The following STAG1 variants were observed in gnomAD, a reference collection of about 807,000 sequenced individuals.
STAG1 encodes the protein cohesin subunit SA-1.
Under a neutral mutation model 170.9 loss-of-function variants are expected in STAG1, and 26 were observed. The ratio of observed to expected loss-of-function variants is 0.15; its 90% confidence interval spans 0.11 to 0.21. The LOEUF is 0.21. Ranked by LOEUF, STAG1 falls within the 10% of genes least tolerant of loss-of-function variation. The pLI, the probability that STAG1 is intolerant of heterozygous loss-of-function variation, is 1.00. For missense variants in STAG1, 964 were observed against 1,509.5 expected, an observed-to-expected ratio of 0.64 and a Z score of 5.99; for synonymous variants, 514 against 497.7, an observed-to-expected ratio of 1.03 and a Z score of -0.44.
intron 5 of STAG1, among the ~76,000 whole-genome samples, chr3:136,547,731 C>T (rs960566616): frequency 4.6e-5 from 7 of 152,200 alleles, no homozygotes; most frequent in African/African-American, 1.7e-4. Flanking sequence ...TTTATTTATC[C>T]ATTCATCCAT....
chr3:136,398,394 A>C (rs1422054785), intron 22 of STAG1, among the ~76,000 whole-genome samples: 2 of 152,164 alleles, frequency 1.3e-5, no homozygotes, highest in African/African-American at 4.8e-5. Flanking sequence ...CTGGGATTAT[A>C]GGCGTAAGCC....
At chr3:136,463,234 T>G (rs949660966) in intron 13 of STAG1, among the ~76,000 whole-genome samples, 1 of 151,948 alleles carries the variant, frequency 6.6e-6, no homozygotes, top group African/African-American at 2.4e-5. Context: ...GCCCAGTAAG[T>G]AGCTGGTTTC....
intron 22 of STAG1, among the ~76,000 whole-genome samples, chr3:136,378,297 A>T (rs1285184562): frequency 6.6e-6 from 1 of 152,214 alleles, no homozygotes; most frequent in Non-Finnish European, 1.5e-5. Flanking sequence ...AAAGTTGGAG[A>T]AATCTTCATA....
chr3:136,610,609 G>A (rs907359216), intron 3 of STAG1, among the ~76,000 whole-genome samples: 1 of 152,084 alleles, frequency 6.6e-6, no homozygotes, highest in South Asian at 2.1e-4. Flanking sequence ...TTTTAAGCTG[G>A]AAAGTCACTG....
At chr3:136,504,903 T>C (rs1933676577) in intron 7 of STAG1, among the ~76,000 whole-genome samples, 1 of 152,186 alleles carries the variant, frequency 6.6e-6, no homozygotes, top group Non-Finnish European at 1.5e-5. Flanking sequence ...AACAGTAAAG[T>C]AATCAACATA....
At chr3:136,551,256 A>AGG (rs1559874422) in intron 5 of STAG1, among the ~76,000 whole-genome samples, 45 of 129,964 alleles carry the variant, frequency 3.5e-4, no homozygotes, top group African/African-American at 1.3e-3. Context: ...AGAGAGAGAG[A>AGG]GAGAGGGAGA....
rs1260160870 is a variant in STAG1 at position 136,527,428 on chromosome 3, TGGTTTTCA to T, written c.472-6019_472-6012del. Among the ~76,000 whole-genome samples, 3 of 152,342 alleles carry T rather than the reference TGGTTTTCA, an allele frequency of 2.0e-5. No homozygotes were observed. In the East Asian group the frequency reaches 5.8e-4, roughly 29 times the overall value. On this transcript the variant is annotated intron_variant, in intron 6 of 33. Coordinates refer to ENST00000383202, the MANE Select transcript of STAG1 (RefSeq NM_005862.3). ...CATTTGTCACGTAGTTCTAGTGCCA[TGGTTTTCA>T]GCTCCATCACACCATTTAAGGACTT...
At chr3:136,569,440 T>G (rs1576617907) in intron 4 of STAG1, among the ~76,000 whole-genome samples, 1 of 149,146 alleles carries the variant, frequency 6.7e-6, no homozygotes, top group Non-Finnish European at 1.5e-5. Context: ...TCTAGGAAAA[T>G]TAGGGTTCAA....
chr3:136,486,264 A>G (rs2090009965), intron 9 of STAG1, among the ~76,000 whole-genome samples: 1 of 152,220 alleles, frequency 6.6e-6, no homozygotes, highest in South Asian at 2.1e-4. Context: ...GCACATCTTC[A>G]ACATTATTAG....
intron 27 of STAG1, 109 bp downstream of exon 27, chr3:136,359,039 C>T: frequency 1.0e-6 from 1 of 953,904 alleles, no homozygotes; most frequent in Non-Finnish European, 1.5e-6. Context: ...CTCCAAAGTT[C>T]TTATAACTTA....
chr3:136,709,856 G>A (rs1430104203), intron 1 of STAG1, among the ~76,000 whole-genome samples: 2 of 151,942 alleles, frequency 1.3e-5, no homozygotes, highest in East Asian at 3.9e-4. Context: ...CCAACATGGT[G>A]AAACCTCATC....
intron 25 of STAG1, among the ~76,000 whole-genome samples, chr3:136,364,126 A>G (rs1936983531): frequency 6.6e-6 from 1 of 151,804 alleles, no homozygotes; most frequent in South Asian, 2.1e-4. Context: ...TCTGTTGCCC[A>G]GGCTGGAGTG....
chr3:136,736,891 A>G (rs1336849969), intron 1 of STAG1: 17 of 1,585,226 alleles, frequency 1.1e-5, no homozygotes, highest in Non-Finnish European at 1.4e-5. Flanking sequence ...AATTACATCC[A>G]GGGTCCTCTT....
At chr3:136,351,058 T>C (rs1015674400) in intron 28 of STAG1, among the ~76,000 whole-genome samples, 1 of 152,170 alleles carries the variant, frequency 6.6e-6, no homozygotes, top group Non-Finnish European at 1.5e-5. Context: ...CTTAAATATA[T>C]ATTATTTTTT....
intron 22 of STAG1, among the ~76,000 whole-genome samples, chr3:136,394,163 C>T (rs868838913): frequency 6.6e-6 from 1 of 152,192 alleles, no homozygotes; most frequent in Non-Finnish European, 1.5e-5. Flanking sequence ...GCCTTGGCTT[C>T]CCAAAGTGCT....
chr3:136,449,278 G>A (rs985574624), intron 14 of STAG1, among the ~76,000 whole-genome samples: 4 of 151,222 alleles, frequency 2.6e-5, no homozygotes, highest in African/African-American at 9.7e-5. Context: ...ATGCAATACA[G>A]GGCCAGGCGT....
intron 21 of STAG1, 66 bp from the exon 22 acceptor site, chr3:136,398,895 C>T (rs1489750306): frequency 1.9e-5 from 18 of 931,636 alleles, no homozygotes; most frequent in African/African-American, 8.6e-5. Flanking sequence ...CTGTTTGCAC[C>T]GTGCTAAGAT....
At position 136,369,281 on chromosome 3, in the gene STAG1, G is replaced by C; in HGVS notation, c.2372C>G (p.Ala791Gly). 6.3e-7 allele frequency: 1 copy of C among 1,578,956 alleles called. No individual in the cohort carries two copies. Among genetic ancestry groups the C allele is most frequent in the Non-Finnish European group, 8.5e-7 (1 of 1,169,912 alleles). Residue 791 changes from alanine (A) to glycine (G), a missense_variant and splice_region_variant, in exon 24 of 34, where the codon GCT becomes GGT. Ala to Gly is a moderately conservative substitution (Grantham distance 60, BLOSUM62 0). Coordinates refer to ENST00000383202, the MANE Select transcript of STAG1 (RefSeq NM_005862.3). ...CAGAAGATCACAGAGTAACATGAAA[G>C]CCTGGAATACAAAGGCAATTTATCA... ...SNVNTPVKEQ[A>G]FMLLCDLLMI... is the part of the protein sequence containing the mutation.
chr3:136,437,188 G>T (rs1237282416), intron 15 of STAG1, among the ~76,000 whole-genome samples: 1 of 152,186 alleles, frequency 6.6e-6, no homozygotes, highest in Non-Finnish European at 1.5e-5. Flanking sequence ...CATTATAGTG[G>T]GAGTAAAATT....
Sources: allele counts gnomAD v4.1 joint callset (sites outside exome capture counted in the v4.1 genomes callset), GRCh38; gene constraint gnomAD v4.1.1; transcripts MANE v1.5; gene names NCBI Gene and HGNC (gene_info 2026-07-23, HGNC 2026-07-21).